CERS4: variants seen among roughly 807,000 people sequenced by gnomAD.
CERS4 encodes the protein LAG1 homolog, ceramide synthase 4.
In CERS4, 65 loss-of-function variants were observed where a neutral mutation model predicts 51.8. The ratio of observed to expected loss-of-function variants is 1.26; its 90% CI spans 1.03 to 1.54. The LOEUF is 1.54. CERS4 is among the 40% of genes most tolerant of loss of function. The pLI is 0.00. For missense variants in CERS4, 563 were observed against 500.4 expected (o/e 1.13, Z -1.19); for synonymous variants, 228 against 208.4 (o/e 1.09, Z -0.81).
chr19:8,229,436 C>A (rs66759836), intron 2 of CERS4, among the ~76,000 whole-genome samples: 63,280 of 150,978 alleles, frequency 0.42, 13,927 homozygotes, highest in Non-Finnish European at 0.49. Context: ...TCTTCTTCTT[C>A]GTGTGTCGCT....
At chr19:8,256,085 G>GC (rs1969364486) in intron 6 of CERS4, 151 bp from the exon 7 acceptor site, 24 of 965,106 alleles carry the variant, frequency 2.5e-5, no homozygotes, top group South Asian at 2.4e-4. Flanking sequence ...CAGTGAATGA[G>GC]CCCCCCAGTC....
chr19:8,253,204 G>T (rs1326206178), intron 3 of CERS4, among the ~76,000 whole-genome samples: 2 of 152,182 alleles, frequency 1.3e-5, no homozygotes, highest in Admixed American at 1.3e-4. Flanking sequence ...ATTGACCAGG[G>T]TCCCTGATCT....
At chr19:8,261,329 A>C in intron 10 of CERS4, 3 of 240,620 alleles carry the variant, frequency 1.2e-5, no homozygotes, top group East Asian at 9.9e-5. Flanking sequence ...CCCCTCCCCT[A>C]TGAGGTGAGT....
chr19:8,257,111 G>A (rs1175980755), intron 9 of CERS4, 34 bp downstream of exon 9: 1 of 1,554,200 alleles, frequency 6.4e-7, no homozygotes, highest in African/African-American at 1.4e-5. Flanking sequence ...CTTCCCAGCT[G>A]CTGTACCCAG....
chr19:8,213,891 A>G (rs995451928), intron 2 of CERS4, among the ~76,000 whole-genome samples: 5 of 152,116 alleles, frequency 3.3e-5, no homozygotes, highest in African/African-American at 1.2e-4. Context: ...GCTTGAACCC[A>G]GGAGGCAGAG....
At chr19:8,229,135 G>A (rs1967904938) in intron 2 of CERS4, among the ~76,000 whole-genome samples, 1 of 152,046 alleles carries the variant, frequency 6.6e-6, no homozygotes, top group Non-Finnish European at 1.5e-5. Context: ...AGACCAGCCT[G>A]GCAACATGGT....
Position 8,240,321 on chromosome 19 carries a change from G to C in CERS4, c.-1-10755G>C, listed in dbSNP as rs73008757. 1.5e-3 allele frequency among the ~76,000 whole-genome samples: 229 copies of C among 152,158 alleles called. 1 individual carries two copies. Among genetic ancestry groups the C allele is most frequent in the Non-Finnish European group, 2.8e-3 (189 of 68,008 alleles). On this transcript the variant is annotated intron_variant, in intron 2 of 11. Transcript: ENST00000251363. The stretch of plus-strand genomic sequence containing the variant: ...CTTGGGGTCCACCTTGGGGTCTTTG[G>C]GGGGAGTGGTACCTCAACCGGCAGC...
At chr19:8,240,239 T>C (rs1247916949) in intron 2 of CERS4, among the ~76,000 whole-genome samples, 1 of 151,902 alleles carries the variant, frequency 6.6e-6, no homozygotes, top group African/African-American at 2.4e-5. Flanking sequence ...AGGGCCAGAA[T>C]GTAGAGGGCA....
At chr19:8,260,485 C>T (rs1192014188) in intron 10 of CERS4, among the ~76,000 whole-genome samples, 2 of 146,812 alleles carry the variant, frequency 1.4e-5, no homozygotes, top group Admixed American at 6.8e-5. Context: ...GGATTACAGG[C>T]GTGAGCCACT....
intron 2 of CERS4, among the ~76,000 whole-genome samples, chr19:8,239,119 T>C (rs1968403992): frequency 6.6e-6 from 1 of 151,270 alleles, no homozygotes. Context: ...AGAAAAATTG[T>C]GGCCAGGTGT....
chr19:8,227,573 C>A (rs941932712), intron 2 of CERS4, among the ~76,000 whole-genome samples: 4 of 151,906 alleles, frequency 2.6e-5, no homozygotes, highest in African/African-American at 9.7e-5. Context: ...AACTCCTGAT[C>A]GCAAATGATC....
intron 3 of CERS4, among the ~76,000 whole-genome samples, chr19:8,253,308 G>C (rs1209660113): frequency 6.6e-6 from 1 of 152,122 alleles, no homozygotes; most frequent in South Asian, 2.1e-4. Flanking sequence ...CTAGACTGGC[G>C]GGGGGTCAGA....
intron 2 of CERS4, among the ~76,000 whole-genome samples, chr19:8,242,667 G>A (rs1387554808): frequency 6.6e-6 from 1 of 152,190 alleles, no homozygotes; most frequent in East Asian, 1.9e-4. Flanking sequence ...GCTCTTCAGG[G>A]CAGAGATGTT....
chr19:8,256,942 A>C lies in CERS4; in HGVS notation c.613-7A>C, dbSNP rs778301440. On this transcript the variant is annotated splice_polypyrimidine_tract_variant and splice_region_variant and intron_variant, in intron 8 of 11. Coordinates refer to ENST00000251363, the MANE Select transcript of CERS4 (RefSeq NM_024552.3). ...TCGTCCCCACTATGACCCACCGTCTACTGCAGGATTTCAAGGAGCAGGTGA... is the reference window on the plus strand; with the variant it reads ...TCGTCCCCACTATGACCCACCGTCTCCTGCAGGATTTCAAGGAGCAGGTGA... The C allele has an allele frequency of 1.2e-6, 2 of 1,614,114 alleles. No homozygotes were observed. The highest frequency in any genetic ancestry group is 2.2e-5 in the South Asian group (2 of 91,088).
chr19:8,262,239 CTGA>C lies in CERS4; in HGVS notation c.*135_*137del, dbSNP rs1599607718. On this transcript the variant is annotated 3_prime_UTR_variant, in exon 12 of 12. Transcript: ENST00000251363. ...GCCCCACCCGGGGTGGGTGGGAAGG[CTGA>C]TGATCTGTCTCCAGCCCCTTCCTTC... 1 of 996,238 alleles carries C rather than the reference CTGA, an allele frequency of 1.0e-6. No homozygotes were observed. Among genetic ancestry groups the C allele is most frequent in the Admixed American group, 3.5e-5 (1 of 28,180 alleles). The allele number at this position is 996,238 out of a possible 1,614,324, so 61.7% of individuals were successfully genotyped here. A position where few individuals can be genotyped will look rare whatever the true frequency, so the allele number is the denominator to read the frequency against.
intron 3 of CERS4, among the ~76,000 whole-genome samples, chr19:8,252,433 G>C (rs10425587): frequency 0.93 from 139,106 of 149,598 alleles, 64,775 homozygotes; most frequent in Admixed American, 0.97. Flanking sequence ...TGCCACCATG[G>C]CTGGCTAACT....
At chr19:8,254,976 T>A (rs542791362) in intron 4 of CERS4, among the ~76,000 whole-genome samples, 24 of 151,266 alleles carry the variant, frequency 1.6e-4, no homozygotes, top group South Asian at 1.3e-3. Flanking sequence ...TCTAGGAGAG[T>A]GAGAGTAGTT....
intron 2 of CERS4, among the ~76,000 whole-genome samples, chr19:8,212,052 G>T (rs950352513): frequency 2.0e-4 from 30 of 152,210 alleles, no homozygotes; most frequent in African/African-American, 7.0e-4. Context: ...CAGGCCAAGA[G>T]ACCAGTGGGC....
intron 9 of CERS4, among the ~76,000 whole-genome samples, chr19:8,257,655 C>T (rs965691127): frequency 6.6e-6 from 1 of 152,148 alleles, no homozygotes. Flanking sequence ...GTCTCGAACT[C>T]CTGACCTCAG....
Sources: allele counts gnomAD v4.1 joint callset (sites outside exome capture counted in the v4.1 genomes callset), GRCh38; gene constraint gnomAD v4.1.1; transcripts MANE v1.5; gene names NCBI Gene and HGNC (gene_info 2026-07-23, HGNC 2026-07-21).